Variants in TMEM164 observed in about 807,000 individuals in gnomAD.
TMEM164 encodes the protein transmembrane protein 164.
In TMEM164, 4 loss-of-function variants were observed where a neutral mutation model predicts 18.8. That is an observed-to-expected ratio of 0.21 (90% CI 0.10 to 0.49). The LOEUF is 0.49. Ranked by LOEUF, TMEM164 falls within the 20% of genes least tolerant of loss-of-function variation. The pLI is 0.98. For synonymous variants in TMEM164, 86 were observed against 101.7 expected (o/e 0.85, Z 0.93); for missense variants, 108 against 239.9 (o/e 0.45, Z 3.63).
intron 3 of TMEM164, among the ~76,000 whole-genome samples, chrX:110,087,286 T>A (rs144492747): frequency 0.024 from 2,677 of 111,863 alleles, 88 homozygotes; most frequent in African/African-American, 0.083. Context: ...AGACCTGGGC[T>A]TAAGAATTTC....
chrX:110,034,316 A>G (rs1041846543), intron 2 of TMEM164, among the ~76,000 whole-genome samples: 6 of 112,405 alleles, frequency 5.3e-5, no homozygotes, highest in Admixed American at 2.8e-4. Flanking sequence ...AAGGCTCTTC[A>G]TGATGTGGAA....
chrX:110,169,302 T>G (rs770098899), intron 5 of TMEM164, among the ~76,000 whole-genome samples: 8 of 111,737 alleles, frequency 7.2e-5, no homozygotes, highest in Non-Finnish European at 1.3e-4. Flanking sequence ...GCCAGAACAC[T>G]GGGAGTTTTC....
intron 4 of TMEM164, among the ~76,000 whole-genome samples, chrX:110,136,251 T>C (rs937811212): frequency 8.9e-6 from 1 of 111,743 alleles, no homozygotes; most frequent in South Asian, 3.8e-4. Flanking sequence ...GTGGTTTTTT[T>C]AACTAGTCCC....
intron 2 of TMEM164, among the ~76,000 whole-genome samples, chrX:110,030,589 C>T (rs1402046824): frequency 9.3e-6 from 1 of 107,886 alleles, no homozygotes; most frequent in Non-Finnish European, 1.9e-5. Flanking sequence ...GAGGCCGAGG[C>T]GGGCAGATCA....
chrX:110,037,816 G>A (rs1305416805), intron 2 of TMEM164, among the ~76,000 whole-genome samples: 13 of 111,667 alleles, frequency 1.2e-4, no homozygotes, highest in African/African-American at 3.3e-4. Context: ...TTTAAATTAA[G>A]TTGAACCTTT....
At chrX:110,173,165 G>A in intron 6 of TMEM164, 80 bp from the exon 7 acceptor site, 1 of 1,019,022 alleles carries the variant, frequency 9.8e-7, no homozygotes, top group South Asian at 2.0e-5. Context: ...TCCCCCATTA[G>A]GTAGAGATGG....
intron 2 of TMEM164, among the ~76,000 whole-genome samples, chrX:110,033,187 GA>G (rs1040005848): frequency 6.3e-5 from 7 of 110,869 alleles, no homozygotes; most frequent in African/African-American, 1.3e-4. Context: ...TAAATTCAAA[GA>G]AAAAAAAGCT....
At chrX:110,046,003 T>C (rs1361064721) in intron 2 of TMEM164, 18 of 741,733 alleles carry the variant, frequency 2.4e-5, no homozygotes, top group Non-Finnish European at 2.9e-5. Flanking sequence ...AATGAGACTC[T>C]GTTTTCCCAC....
intron 2 of TMEM164, among the ~76,000 whole-genome samples, chrX:110,013,907 G>C (rs1293950579): frequency 9.0e-6 from 1 of 111,127 alleles, no homozygotes; most frequent in African/African-American, 3.3e-5. Flanking sequence ...TGGTGTATTG[G>C]GTAAGAGTAC....
intron 2 of TMEM164, among the ~76,000 whole-genome samples, chrX:110,007,934 T>C (rs1032356668): frequency 1.8e-5 from 2 of 112,390 alleles, no homozygotes; most frequent in Non-Finnish European, 3.8e-5. Context: ...TCCATGTCTA[T>C]GCGCATAAGG....
intron 4 of TMEM164, among the ~76,000 whole-genome samples, chrX:110,114,256 C>G (rs1043624994): frequency 1.8e-5 from 2 of 112,099 alleles, no homozygotes; most frequent in Non-Finnish European, 3.8e-5. Context: ...CAGACTACAA[C>G]TTCCTCTCCT....
chrX:110,026,001 A>C (rs1934168846), intron 2 of TMEM164, among the ~76,000 whole-genome samples: 1 of 112,252 alleles, frequency 8.9e-6, no homozygotes, highest in South Asian at 3.6e-4. Flanking sequence ...AATTCTATCT[A>C]CCTCTTCAAG....
At chrX:110,039,025 A>T (rs1013490189) in intron 2 of TMEM164, among the ~76,000 whole-genome samples, 1 of 111,874 alleles carries the variant, frequency 8.9e-6, no homozygotes, top group Admixed American at 9.4e-5. Context: ...TTTTGGTTCT[A>T]TCACTTGCTA....
intron 4 of TMEM164, among the ~76,000 whole-genome samples, chrX:110,115,949 G>A (rs749535995): frequency 2.7e-5 from 3 of 110,806 alleles, no homozygotes; most frequent in East Asian, 2.8e-4. Context: ...ATAGCTGGGC[G>A]TGGTGGCACA....
chrX:110,030,123 T>G (rs1934401204), intron 2 of TMEM164, among the ~76,000 whole-genome samples: 1 of 75,720 alleles, frequency 1.3e-5, no homozygotes, highest in East Asian at 4.0e-4. Flanking sequence ...TTTTTTTTTT[T>G]TTTTTTTTTT....
intron 2 of TMEM164, among the ~76,000 whole-genome samples, chrX:110,064,325 C>T (rs1170217845): frequency 1.8e-5 from 2 of 111,747 alleles, no homozygotes; most frequent in Non-Finnish European, 3.8e-5. Flanking sequence ...AGCTTTTCAC[C>T]TCCTAGTCTA....
At chrX:110,091,704 T>C (rs2065931688) in intron 3 of TMEM164, among the ~76,000 whole-genome samples, 1 of 112,337 alleles carries the variant, frequency 8.9e-6, no homozygotes, top group Non-Finnish European at 1.9e-5. Flanking sequence ...CAGAAACTCT[T>C]TAGTTTAATT....
chrX:110,049,982 A>G (rs764938888), intron 2 of TMEM164, among the ~76,000 whole-genome samples: 2 of 111,982 alleles, frequency 1.8e-5, no homozygotes, highest in African/African-American at 6.5e-5. Context: ...GGGCTGCCCA[A>G]AGTCCTTAGA....
At chrX:110,116,226 A>G (rs1021233905) in intron 4 of TMEM164, among the ~76,000 whole-genome samples, 1 of 112,706 alleles carries the variant, frequency 8.9e-6, no homozygotes, top group African/African-American at 3.2e-5. Context: ...TAATTTACAC[A>G]TATATTATTC....
Sources: gnomAD v4.1 joint callset for allele counts (sites outside exome capture counted in the v4.1 genomes callset) on GRCh38, gnomAD v4.1.1 for gene constraint, MANE v1.5 for transcripts, NCBI Gene and HGNC (gene_info 2026-07-23, HGNC 2026-07-21) for gene names.